Variants in SELENOO observed in about 807,000 individuals in gnomAD.
SELENOO encodes the protein selenoprotein O, also known as protein adenylyltransferase SelO, mitochondrial.
Under a neutral mutation model 58.7 loss-of-function variants are expected in SELENOO, and 74 were observed. The observed-to-expected ratio is 1.26, with a 90% CI of 1.04 to 1.53. The LOEUF is 1.53. Among genes scored for constraint, SELENOO ranks in the 40% most tolerant of loss-of-function variants. The pLI is 0.00. For missense variants in SELENOO, 1,149 were observed against 970.0 expected (o/e 1.18, Z -2.45); for synonymous variants, 543 against 453.2 (o/e 1.20, Z -2.52).
At chr22:50,208,510 G>A (rs1321996010) in intron 2 of SELENOO, 26 bp from the exon 3 acceptor site, 1 of 1,605,966 alleles carries the variant, frequency 6.2e-7, no homozygotes, top group Non-Finnish European at 8.5e-7. Flanking sequence ...GGTTTGGGCT[G>A]TTGACGCCTC....
At position 50,217,025 on chromosome 22, in the gene SELENOO, C is replaced by T. The variant is rs755717149; in HGVS notation, c.1742C>T (p.Ala581Val). Residue 581 changes from alanine (A) to valine (V), a missense_variant, in exon 8 of 9, where the codon GCT becomes GTT. Coordinates refer to ENST00000380903, the MANE Select transcript of SELENOO (RefSeq NM_031454.2). Reference protein sequence around the residue: ...EGAGDAAAWQAEHVRVMHANN... With the variant: ...EGAGDAAAWQVEHVRVMHANN... ...GCTGGGGACGCTGCCGCCTGGCAGG[C>T]TGAGCACGTGCGCGTGATGCACGCC... 6.2e-7 allele frequency: 1 copy of T among 1,612,074 alleles called. No homozygotes were observed. The highest frequency in any genetic ancestry group is 1.1e-5 in the South Asian group (1 of 91,084).
In SELENOO at chr22:50,201,302, C is replaced by T. The variant is rs2064297880; in HGVS notation, c.266C>T (p.Pro89Leu). 1.2e-5 allele frequency: 13 copies of T among 1,104,928 alleles called. No individual in the cohort carries two copies. The highest frequency in any genetic ancestry group is 1.4e-5 in the Non-Finnish European group (13 of 909,490). 68.4% of individuals were successfully genotyped at this position (1,104,928 alleles called of 1,614,324 possible). A position where few individuals can be genotyped will look rare whatever the true frequency, so the allele number is the denominator to read the frequency against. The change falls in exon 1 of 9, where the codon CCG becomes CTG. Residue 89 changes from proline to leucine, a missense_variant. Transcript: ENST00000380903. ...TGCTTCACCCGCGTGCAGCCCACCC[C>T]GCTGCGGCAGCCGCGCCTCGTGGCG... ...GACFTRVQPT[P>L]LRQPRLVALS...
rs755938085 is a variant in SELENOO at position 50,216,844 on chromosome 22, G to A, written c.1656G>A (p.Gln552=). 4 of 1,608,490 alleles carry A rather than the reference G, an allele frequency of 2.5e-6. No individual in the cohort carries two copies. The highest frequency in any genetic ancestry group is 1.7e-5 in the Admixed American group (1 of 60,008). Reference sequence around the variant, plus strand: ...CGGCAGAGCTGCAGAGCAGGAACCAGGGCCACTGGGCTGACTGGCTACAGG... The same window carrying A: ...CGGCAGAGCTGCAGAGCAGGAACCAAGGCCACTGGGCTGACTGGCTACAGG... ...LSAAELQSRN[Q]GHWADWLQAY... is the part of the protein sequence containing the mutation. The change falls in exon 7 of 9, where the codon CAG becomes CAA. Residue 552 remains glutamine (Q), a synonymous_variant. Transcript: ENST00000380903.
chr22:50,215,569 G>A (rs1426352940), intron 5 of SELENOO, 148 bp from the exon 6 acceptor site: 8 of 602,434 alleles, frequency 1.3e-5, no homozygotes, highest in African/African-American at 7.5e-5. Flanking sequence ...GTGTGGATCC[G>A]TGCTGGCGGT....
In SELENOO at chr22:50,217,271, G is replaced by A. The variant is rs17013238; in HGVS notation, c.1912G>A (p.Glu638Lys). The change falls in exon 9 of 9, where the codon GAG becomes AAG. Residue 638 changes from glutamate (E) to lysine (K), a missense_variant. By Grantham distance (56) the Glu-to-Lys change is moderately conservative. Coordinates refer to ENST00000380903, the MANE Select transcript of SELENOO (RefSeq NM_031454.2). ...HCEAGAATDA[E>K]ATEADGADGR... ...CGAGGCGGGGGCCGCCACAGACGCC[G>A]AGGCCACGGAAGCCGACGGGGCGGA... 6.0e-3 allele frequency: 9,649 copies of A among 1,612,204 alleles called. 529 individuals are homozygous for A. In the African/African-American group the frequency reaches 0.11, roughly 19 times the overall value.
intron 5 of SELENOO, 138 bp downstream of exon 5, chr22:50,211,049 CTCTG>C: frequency 1.1e-6 from 1 of 869,818 alleles, no homozygotes; most frequent in Non-Finnish European, 1.8e-6. Context: ...CCATTCTACT[CTCTG>C]TCTTTATGAA....
At chr22:50,204,341 G>A (rs957950503) in intron 1 of SELENOO, among the ~76,000 whole-genome samples, 12 of 152,122 alleles carry the variant, frequency 7.9e-5, no homozygotes, top group African/African-American at 2.9e-4. Flanking sequence ...AAAAATAAAA[G>A]GTTGGTCGGG....
rs781723657 is a variant in SELENOO at position 50,206,413 on chromosome 22, C to T, written c.651C>T (p.Gly217=). The stretch of plus-strand genomic sequence containing the variant: ...TGGGAGTCCCCACCACACGGGCCGG[C>T]GCCTGCGTCACGTCCGAGTCCACGG... ...FHLGVPTTRA[G]ACVTSESTVV... Residue 217 remains glycine, a synonymous_variant, in exon 2 of 9, where the codon GGC becomes GGT. Coordinates refer to ENST00000380903, the MANE Select transcript of SELENOO (RefSeq NM_031454.2). The T allele has an allele frequency of 3.8e-5, 62 of 1,614,146 alleles. No individual in the cohort carries two copies. In the East Asian group the frequency reaches 6.9e-4, roughly 18 times the overall value.
chr22:50,214,418 G>A (rs891169823), intron 5 of SELENOO, among the ~76,000 whole-genome samples: 1 of 152,208 alleles, frequency 6.6e-6, no homozygotes, highest in African/African-American at 2.4e-5. Flanking sequence ...TCAAGAGTTC[G>A]AGACCAGTTT....
chr22:50,206,181 C>A, intron 1 of SELENOO, 136 bp from the exon 2 acceptor site: 1 of 702,660 alleles, frequency 1.4e-6, no homozygotes, highest in South Asian at 1.8e-5. Context: ...CTGATGTCAC[C>A]TGGGACGGGC....
chr22:50,212,343 T>TC (rs1372386889), intron 5 of SELENOO, among the ~76,000 whole-genome samples: 1 of 152,258 alleles, frequency 6.6e-6, no homozygotes, highest in African/African-American at 2.4e-5. Flanking sequence ...TTTCTTTTCT[T>TC]CTTGAGTCAG....
intron 5 of SELENOO, among the ~76,000 whole-genome samples, chr22:50,214,958 G>A (rs1403157846): frequency 6.6e-6 from 1 of 152,228 alleles, no homozygotes; most frequent in Non-Finnish European, 1.5e-5. Flanking sequence ...GGAGCGATCA[G>A]TCCATTCGCT....
At chr22:50,207,843 G>T (rs371284343) in intron 2 of SELENOO, among the ~76,000 whole-genome samples, 1 of 134,074 alleles carries the variant, frequency 7.5e-6, no homozygotes, top group Admixed American at 8.6e-5. Flanking sequence ...ACTCTCCTTT[G>T]CATCTCCTCC....
chr22:50,216,941 C>CTG (rs1403700456), intron 7 of SELENOO, 31 bp from the exon 8 acceptor site: 1 of 1,604,130 alleles, frequency 6.2e-7, no homozygotes, highest in African/African-American at 1.3e-5. Flanking sequence ...TCCAGCCCGG[C>CTG]TGTGACTCCA....
chr22:50,216,317 A>G (rs532981222), intron 6 of SELENOO, among the ~76,000 whole-genome samples: 2 of 152,382 alleles, frequency 1.3e-5, no homozygotes, highest in South Asian at 2.1e-4. Flanking sequence ...CCTGCTGAGC[A>G]TAAACCCCCT....
At chr22:50,215,576 CGGT>C (rs1360253887) in intron 5 of SELENOO, 138 bp from the exon 6 acceptor site, 2 of 560,778 alleles carry the variant, frequency 3.6e-6, no homozygotes, top group Non-Finnish European at 5.9e-6. Context: ...TCCGTGCTGG[CGGT>C]GGGGGGCGGT....
At chr22:50,210,949 C>T (rs751251664) in intron 5 of SELENOO, 38 bp downstream of exon 5, 33 of 1,610,902 alleles carry the variant, frequency 2.0e-5, no homozygotes, top group Admixed American at 6.7e-5. Flanking sequence ...AGGCGCCTCC[C>T]GTGCTGTTGT....
chr22:50,213,151 C>A (rs2064383370), intron 5 of SELENOO, among the ~76,000 whole-genome samples: 1 of 152,156 alleles, frequency 6.6e-6, no homozygotes, highest in African/African-American at 2.4e-5. Context: ...ACCTCCGCCT[C>A]CCAGGCTCAA....
intron 2 of SELENOO, among the ~76,000 whole-genome samples, chr22:50,207,197 A>G (rs780826201): frequency 1.3e-5 from 2 of 151,986 alleles, no homozygotes; most frequent in Non-Finnish European, 2.9e-5. Flanking sequence ...ATCTTGGCTC[A>G]GTGCAACCTC....
Sources: allele counts gnomAD v4.1 joint callset (sites outside exome capture counted in the v4.1 genomes callset), GRCh38; gene constraint gnomAD v4.1.1; transcripts MANE v1.5; gene names NCBI Gene and HGNC (gene_info 2026-07-23, HGNC 2026-07-21).